The following RNF220 variants were observed in gnomAD, a reference collection of about 807,000 sequenced individuals.
RNF220 encodes ring finger protein 220, also known as E3 ubiquitin-protein ligase RNF220.
RNF220 carries 7 observed loss-of-function variants against 67.1 expected under a neutral mutation model. The ratio of observed to expected loss-of-function variants is 0.10; its 90% CI spans 0.06 to 0.20. The LOEUF (loss-of-function observed/expected upper bound fraction) is 0.20, where lower values mean the gene tolerates loss of function less well. Ranked by LOEUF, RNF220 falls within the 10% of genes least tolerant of loss-of-function variation. The probability of loss-of-function intolerance (pLI) is 1.00; values close to 1 mark genes in which losing one functional copy is unlikely to be tolerated. For missense variants in RNF220, 565 were observed against 740.3 expected, an observed-to-expected ratio of 0.76 and a Z score of 2.75; for synonymous variants, 270 against 283.2, an observed-to-expected ratio of 0.95 and a Z score of 0.47.
intron 2 of RNF220, among the ~76,000 whole-genome samples, chr1:44,470,417 C>G (rs1312980193): frequency 6.6e-6 from 1 of 152,152 alleles, no homozygotes; most frequent in African/African-American, 2.4e-5. Context: ...TATGGAGTGT[C>G]TACTAAGTAG....
intron 2 of RNF220, among the ~76,000 whole-genome samples, chr1:44,513,733 T>C (rs1458470307): frequency 6.6e-6 from 1 of 152,196 alleles, no homozygotes; most frequent in Non-Finnish European, 1.5e-5. Flanking sequence ...GATTTCATTT[T>C]TTTTCTTCCT....
At chr1:44,416,832 T>C (rs922640541) in intron 2 of RNF220, among the ~76,000 whole-genome samples, 4 of 152,188 alleles carry the variant, frequency 2.6e-5, no homozygotes, top group African/African-American at 9.7e-5. Flanking sequence ...TCATCTTTGA[T>C]GTACTTGAAC....
At chr1:44,473,744 C>T (rs746322606) in intron 2 of RNF220, among the ~76,000 whole-genome samples, 5 of 152,098 alleles carry the variant, frequency 3.3e-5, no homozygotes, top group Admixed American at 1.3e-4. Context: ...ATAATAATAT[C>T]GTAGCTATCT....
At chr1:44,532,214 C>T (rs1228985814) in intron 2 of RNF220, among the ~76,000 whole-genome samples, 2 of 152,178 alleles carry the variant, frequency 1.3e-5, no homozygotes, top group African/African-American at 4.8e-5. Flanking sequence ...CAAACCAGGA[C>T]ACAGCAGGGT....
At chr1:44,580,095 G>T (rs909392993) in intron 2 of RNF220, among the ~76,000 whole-genome samples, 1 of 122,196 alleles carries the variant, frequency 8.2e-6, no homozygotes, top group Admixed American at 7.8e-5. Context: ...AAAAGAAAAA[G>T]AAAGAAAGAA....
intron 6 of RNF220, among the ~76,000 whole-genome samples, chr1:44,634,718 T>C (rs750362332): frequency 6.2e-4 from 94 of 152,228 alleles, no homozygotes; most frequent in Non-Finnish European, 9.6e-4. Flanking sequence ...AGTGAGCTAA[T>C]TAGAAATGAT....
intron 2 of RNF220, among the ~76,000 whole-genome samples, chr1:44,467,364 A>T (rs1242275044): frequency 2.0e-5 from 3 of 152,202 alleles, no homozygotes; most frequent in Non-Finnish European, 4.4e-5. Flanking sequence ...GGCATGCGCC[A>T]CCACGCCCAG....
chr1:44,439,840 C>T (rs1651377303), intron 2 of RNF220, among the ~76,000 whole-genome samples: 2 of 152,104 alleles, frequency 1.3e-5, no homozygotes. Context: ...AGAGGAGGGC[C>T]ATAGGGTTTA....
At chr1:44,523,799 C>T (rs1660131699) in intron 2 of RNF220, among the ~76,000 whole-genome samples, 1 of 152,208 alleles carries the variant, frequency 6.6e-6, no homozygotes, top group Admixed American at 6.5e-5. Flanking sequence ...TCTGCCCTCA[C>T]AATCCAGCAT....
At position 44,425,784 on chromosome 1, in the gene RNF220, C is replaced by T. The variant is rs1649705508; in HGVS notation, c.625+13062C>T. Among the ~76,000 whole-genome samples, 3 of 152,316 alleles carry T rather than the reference C, an allele frequency of 2.0e-5. No individual in the cohort carries two copies. In the South Asian group the frequency reaches 6.2e-4, roughly 32 times the overall value. ...TAAAAGTAACCGTATAAATGCCATA[C>T]CCTCACATACACATAGGTACATGCA... On this transcript the variant is annotated intron_variant, in intron 2 of 14. Transcript: ENST00000361799.
intron 2 of RNF220, among the ~76,000 whole-genome samples, chr1:44,471,319 AGGAG>A (rs1420436365): frequency 6.6e-6 from 1 of 152,018 alleles, no homozygotes. Flanking sequence ...CCAGCTACTC[AGGAG>A]GCTGAGGCGG....
Position 44,645,537 on chromosome 1 carries a change from G to A in RNF220, c.1445+49G>A. Reference sequence around the variant, plus strand: ...CCCTGGGACCACAGTTCAGTGGGAGGAGGGGCCCTTTGCTAGCAGGAAGGC... The same window carrying A: ...CCCTGGGACCACAGTTCAGTGGGAGAAGGGGCCCTTTGCTAGCAGGAAGGC... On this transcript the variant is annotated intron_variant, in intron 12 of 14. Coordinates refer to ENST00000361799, the MANE Select transcript of RNF220 (RefSeq NM_018150.4). This position sits in a 1 kb window ranked among gnomAD's most constrained non-coding sequence, Gnocchi z 5.0. The A allele has an allele frequency of 1.3e-6, 2 of 1,582,148 alleles. No individual in the cohort carries two copies. Among genetic ancestry groups the A allele is most frequent in the Non-Finnish European group, 1.7e-6 (2 of 1,154,894 alleles).
At chr1:44,445,558 G>A (rs569886640) in intron 2 of RNF220, among the ~76,000 whole-genome samples, 1 of 151,056 alleles carries the variant, frequency 6.6e-6, no homozygotes, top group East Asian at 1.9e-4. Flanking sequence ...AATGCTTGTT[G>A]CTCCTTAAAC....
At chr1:44,623,396 G>A (rs764762779) in intron 4 of RNF220, among the ~76,000 whole-genome samples, 2 of 152,208 alleles carry the variant, frequency 1.3e-5, no homozygotes, top group Non-Finnish European at 2.9e-5. Context: ...CAAAGGAGGG[G>A]CCAAGAGGCC....
rs185744307 is a variant in RNF220, at chr1:44,449,058, G to A, written c.625+36336G>A. Among the ~76,000 whole-genome samples the A allele has an allele frequency of 2.6e-5, 4 of 152,266 alleles. No individual in the cohort carries two copies. In the East Asian group the frequency reaches 7.7e-4, roughly 29 times the overall value. ...TCCGTCAGCACCTCAAACTCAACAT[G>A]TCAAAACTGATTGTATTAACTTTCC... On this transcript the variant is annotated intron_variant, in intron 2 of 14. Coordinates refer to ENST00000361799, the MANE Select transcript of RNF220 (RefSeq NM_018150.4).
chr1:44,562,771 G>A (rs959616418), intron 2 of RNF220, among the ~76,000 whole-genome samples: 14 of 152,126 alleles, frequency 9.2e-5, no homozygotes, highest in South Asian at 8.3e-4. Context: ...GGCTGGAGCC[G>A]TTTTCACTGC....
intron 5 of RNF220, chr1:44,626,891 G>C (rs1231170295): frequency 2.0e-5 from 3 of 153,654 alleles, no homozygotes; most frequent in Admixed American, 1.9e-4. Context: ...ACAAAAATTA[G>C]CTGGGCATGG....
At chr1:44,431,721 T>G (rs1650403822) in intron 2 of RNF220, among the ~76,000 whole-genome samples, 1 of 150,692 alleles carries the variant, frequency 6.6e-6, no homozygotes, top group South Asian at 2.1e-4. Context: ...GTGGAGTCTC[T>G]TCCCTCCTCA....
rs893571771 is a variant in RNF220, at chr1:44,552,629, T to C, written c.626-61536T>C. ...TCTGTCACCCAGGCTGGAGTGCAGT[T>C]GCGCAATCTCGGCTCCCTGCAAGCT... On this transcript the variant is annotated intron_variant, in intron 2 of 14. Coordinates refer to ENST00000361799, the MANE Select transcript of RNF220 (RefSeq NM_018150.4). Among the ~76,000 whole-genome samples, 11 of 123,558 alleles carry C rather than the reference T, an allele frequency of 8.9e-5. No homozygotes were observed. The Admixed American group carries it at 1.2e-3, about 13-fold the overall frequency. The allele number at this position is 123,558 out of a possible 152,430, so 81.1% of individuals were successfully genotyped here.
Sources: allele counts gnomAD v4.1 joint callset (sites outside exome capture counted in the v4.1 genomes callset), GRCh38; gene constraint gnomAD v4.1.1; non-coding constraint Gnocchi (gnomAD v3.1); transcripts MANE v1.5; gene names NCBI Gene and HGNC (gene_info 2026-07-23, HGNC 2026-07-21).